Variants in SUPT3H observed in about 807,000 individuals in gnomAD.
SUPT3H encodes SPT3 homolog, SAGA and STAGA complex component.
Under a neutral mutation model 44.3 loss-of-function variants are expected in SUPT3H, and 44 were observed. The ratio of observed to expected loss-of-function variants is 0.99; its 90% confidence interval spans 0.78 to 1.28. The LOEUF (loss-of-function observed/expected upper bound fraction) is 1.28, where lower values mean the gene tolerates loss of function less well. Among genes scored for constraint, SUPT3H ranks in the 50% most tolerant of loss-of-function variants. The pLI is 0.00. For missense variants in SUPT3H, 380 were observed against 387.1 expected, an observed-to-expected ratio of 0.98 and a Z score of 0.15; for synonymous variants, 124 against 125.6, an observed-to-expected ratio of 0.99 and a Z score of 0.09.
intron 2 of SUPT3H, among the ~76,000 whole-genome samples, chr6:45,166,259 T>G (rs915843795): frequency 6.6e-6 from 1 of 152,006 alleles, no homozygotes; most frequent in African/African-American, 2.4e-5. Flanking sequence ...ACTGCTGTAC[T>G]TCAGCCTGGG....
At chr6:45,257,833 G>A (rs1213506298) in intron 2 of SUPT3H, among the ~76,000 whole-genome samples, 1 of 152,132 alleles carries the variant, frequency 6.6e-6, no homozygotes, top group African/African-American at 2.4e-5. Flanking sequence ...CTCACTGGAG[G>A]CGATTGTGGC....
chr6:45,281,114 G>T (rs1177012385), intron 2 of SUPT3H, among the ~76,000 whole-genome samples: 2 of 152,124 alleles, frequency 1.3e-5, no homozygotes, highest in Non-Finnish European at 2.9e-5. Flanking sequence ...ATGAGGGGTG[G>T]AGACAAGATG....
At chr6:44,983,753 G>A (rs1000733043) in intron 6 of SUPT3H, among the ~76,000 whole-genome samples, 5 of 152,078 alleles carry the variant, frequency 3.3e-5, no homozygotes, top group Non-Finnish European at 5.9e-5. Flanking sequence ...TCAAAGAACC[G>A]TTTTTATTGA....
At chr6:45,360,992 G>C (rs1034918870) in intron 2 of SUPT3H, among the ~76,000 whole-genome samples, 1 of 152,108 alleles carries the variant, frequency 6.6e-6, no homozygotes, top group African/African-American at 2.4e-5. Context: ...ATGATTTTTA[G>C]CTGGGCACAG....
intron 3 of SUPT3H, among the ~76,000 whole-genome samples, chr6:45,096,311 G>T (rs1309758178): frequency 6.6e-6 from 1 of 152,092 alleles, no homozygotes; most frequent in South Asian, 2.1e-4. Flanking sequence ...ATTCAACTTT[G>T]AAATTCTATG....
At chr6:45,101,556 A>G (rs1458706588) in intron 3 of SUPT3H, among the ~76,000 whole-genome samples, 1 of 152,194 alleles carries the variant, frequency 6.6e-6, no homozygotes, top group African/African-American at 2.4e-5. Flanking sequence ...GCTAGATAGG[A>G]GAAATAATTT....
At chr6:45,310,097 C>A (rs543979403) in intron 2 of SUPT3H, among the ~76,000 whole-genome samples, 1 of 152,144 alleles carries the variant, frequency 6.6e-6, no homozygotes, top group African/African-American at 2.4e-5. Flanking sequence ...GTGGGCAGCA[C>A]GGTGGGAATG....
At chr6:45,295,999 AG>A (rs1455129995) in intron 2 of SUPT3H, among the ~76,000 whole-genome samples, 1 of 152,092 alleles carries the variant, frequency 6.6e-6, no homozygotes, top group African/African-American at 2.4e-5. Flanking sequence ...AGGAAAAAAA[AG>A]TCATAGGAAA....
At chr6:45,025,660 G>A (rs1785861993) in intron 3 of SUPT3H, among the ~76,000 whole-genome samples, 2 of 152,108 alleles carry the variant, frequency 1.3e-5, no homozygotes, top group South Asian at 4.1e-4. Flanking sequence ...GAGACAGGCG[G>A]ATCATGAGGT....
At chr6:45,088,341 G>A (rs545467078) in intron 3 of SUPT3H, among the ~76,000 whole-genome samples, 4 of 152,040 alleles carry the variant, frequency 2.6e-5, no homozygotes, top group African/African-American at 4.8e-5. Context: ...ATGAATCTTC[G>A]AGCGCTCTTT....
At chr6:45,179,622 A>T (rs531224583) in intron 2 of SUPT3H, among the ~76,000 whole-genome samples, 5 of 152,218 alleles carry the variant, frequency 3.3e-5, no homozygotes, top group African/African-American at 1.2e-4. Context: ...AACCAAAGAC[A>T]AAAACCACAT....
At position 44,828,633 on chromosome 6, in the gene SUPT3H, T is replaced by G. The variant is rs771981358; in HGVS notation, c.*1183A>C. On this transcript the variant is annotated 3_prime_UTR_variant, in exon 11 of 11. Transcript: ENST00000371459. The stretch of plus-strand genomic sequence containing the variant: ...CCAAATTTGGGTGAAGGGAGAACTA[T>G]TTCTACTTTCTTTACCCTTAAATCT... 5 of 152,154 alleles carry G rather than the reference T, an allele frequency of 3.3e-5. No homozygotes were observed. Among genetic ancestry groups the G allele is most frequent in the Non-Finnish European group, 7.4e-5 (5 of 68,006 alleles). 9.4% of individuals were successfully genotyped at this position (152,154 alleles called of 1,614,324 possible).
At chr6:45,308,771 C>CA (rs1783504084) in intron 2 of SUPT3H, among the ~76,000 whole-genome samples, 8 of 140,406 alleles carry the variant, frequency 5.7e-5, no homozygotes, top group South Asian at 4.6e-4. Context: ...AAAAAAAAGT[C>CA]AAAAAAAATA....
chr6:45,298,145 C>T (rs9357484), intron 2 of SUPT3H, among the ~76,000 whole-genome samples: 1 of 151,652 alleles, frequency 6.6e-6, no homozygotes, highest in African/African-American at 2.4e-5. Flanking sequence ...TTAGGACTTT[C>T]GATAATTTAA....
chr6:44,953,358 G>C lies in SUPT3H; in HGVS notation c.753C>G (p.Phe251Leu). Residue 251 changes from phenylalanine to leucine, a missense_variant, in exon 9 of 11, where the codon TTC (phenylalanine) becomes TTG (leucine). Physicochemically the swap from Phe to Leu is conservative, Grantham distance 22. Transcript: ENST00000371459. ...QDMVTKAGDPFSHAISATFIQ... is the reference protein window; with the variant it reads ...QDMVTKAGDPLSHAISATFIQ... The stretch of plus-strand genomic sequence containing the variant: ...TGAAGGTTGCAGAAATGGCATGGCT[G>C]AAGGGGTCCCCTGCCTTGGTTACCA... 6.2e-7 allele frequency: 1 copy of C among 1,614,126 alleles called. No individual in the cohort carries two copies. The highest frequency in any genetic ancestry group is 2.2e-5 in the East Asian group (1 of 44,866).
chr6:45,213,631 G>T (rs1764495492), intron 2 of SUPT3H, among the ~76,000 whole-genome samples: 1 of 152,026 alleles, frequency 6.6e-6, no homozygotes, highest in African/African-American at 2.4e-5. Flanking sequence ...GACCAATTCT[G>T]CTGAAACAGT....
intron 2 of SUPT3H, among the ~76,000 whole-genome samples, chr6:45,192,655 T>C (rs1284248393): frequency 6.6e-6 from 1 of 152,088 alleles, no homozygotes; most frequent in Non-Finnish European, 1.5e-5. Context: ...TAAGCCTTTA[T>C]CATATAACAA....
intron 6 of SUPT3H, among the ~76,000 whole-genome samples, chr6:44,978,908 G>T (rs1778712217): frequency 6.6e-6 from 1 of 152,106 alleles, no homozygotes; most frequent in African/African-American, 2.4e-5. Flanking sequence ...ATTGAAATAA[G>T]TAACAGAAAT....
intron 2 of SUPT3H, among the ~76,000 whole-genome samples, chr6:45,155,008 T>C (rs934829695): frequency 1.3e-5 from 2 of 152,120 alleles, no homozygotes; most frequent in African/African-American, 4.8e-5. Flanking sequence ...TGAAACTCTG[T>C]TCATCTTAGA....
Sources: allele counts gnomAD v4.1 joint callset (sites outside exome capture counted in the v4.1 genomes callset), GRCh38; gene constraint gnomAD v4.1.1; transcripts MANE v1.5; gene names NCBI Gene and HGNC (gene_info 2026-07-23, HGNC 2026-07-21).